USP24: variants seen among roughly 807,000 people sequenced by gnomAD.
USP24 encodes the protein ubiquitin specific peptidase 24.
A neutral mutation model predicts 361.6 loss-of-function variants in USP24; 97 were observed. The observed-to-expected ratio is 0.27, with a 90% CI of 0.23 to 0.32. The LOEUF is 0.32. Among genes scored for constraint, USP24 ranks in the 10% least tolerant of loss-of-function variants. The probability of loss-of-function intolerance (pLI) is 1.00; values close to 1 mark genes in which losing one functional copy is unlikely to be tolerated. For missense variants in USP24, 2,353 were observed against 3,165.6 expected, an observed-to-expected ratio of 0.74 and a Z score of 6.16; for synonymous variants, 1,098 against 1,124.6, an observed-to-expected ratio of 0.98 and a Z score of 0.47.
chr1:55,109,652 G>C (rs977184777), intron 39 of USP24, among the ~76,000 whole-genome samples: 3 of 152,124 alleles, frequency 2.0e-5, no homozygotes, highest in African/African-American at 4.8e-5. Context: ...TTTGTGAAGA[G>C]CGGAGAATAA....
rs758195596 is a variant in USP24 at position 55,121,461 on chromosome 1, A to G, written c.4322T>C (p.Ile1441Thr). 1.8e-5 allele frequency: 29 copies of G among 1,613,708 alleles called. No homozygotes were observed. The highest frequency in any genetic ancestry group is 2.7e-5 in the African/African-American group (2 of 74,946). Residue 1441 changes from isoleucine to threonine, a missense_variant, in exon 37 of 68, where the codon ATT becomes ACT. By Grantham distance (89) the Ile-to-Thr change is moderately conservative. Transcript: ENST00000294383. ...LPCVADFIIDILLGSPSAEIR... is the reference protein window; with the variant it reads ...LPCVADFIIDTLLGSPSAEIR... ...CTCAGCACTTGGTGATCCGAGCAGAATATCAATGATGAAATCAGCAACACA... is the reference window on the plus strand; with the variant it reads ...CTCAGCACTTGGTGATCCGAGCAGAGTATCAATGATGAAATCAGCAACACA...
chr1:55,082,149 T>G (rs1645160990), intron 58 of USP24, among the ~76,000 whole-genome samples: 1 of 152,194 alleles, frequency 6.6e-6, no homozygotes, highest in Non-Finnish European at 1.5e-5. Flanking sequence ...AAAATGCCTG[T>G]GTAATGTGTT....
intron 10 of USP24, 30 bp downstream of exon 10, chr1:55,158,848 A>G: frequency 7.0e-7 from 1 of 1,436,606 alleles, no homozygotes. Context: ...TCTGTGCATT[A>G]AGTCTTGTAG....
chr1:55,130,340 C>G (rs936624193), intron 31 of USP24, among the ~76,000 whole-genome samples: 1 of 152,158 alleles, frequency 6.6e-6, no homozygotes, highest in African/African-American at 2.4e-5. Context: ...GTTGCCTTTA[C>G]AGGAAGATTG....
intron 1 of USP24, among the ~76,000 whole-genome samples, chr1:55,199,580 T>G (rs1644508721): frequency 7.1e-6 from 1 of 141,040 alleles, no homozygotes; most frequent in African/African-American, 2.6e-5. Context: ...TTCAAATGGT[T>G]CAGAAAAAGT....
chr1:55,199,267 C>T (rs141181855), intron 1 of USP24, among the ~76,000 whole-genome samples: 76 of 151,402 alleles, frequency 5.0e-4, no homozygotes, highest in Middle Eastern at 6.8e-3. Context: ...TTAGCTTGGG[C>T]GACAGAGCGA....
chr1:55,107,400 G>A lies in USP24; in HGVS notation c.4601C>T (p.Pro1534Leu). ...AATCTCATCTTCAAGCATCGTAGCT[G>A]GGCTGATCCTTAACTGCTCCATTTC... The part of the protein sequence containing the change: ...TSEMEQLRIS[P>L]ATMLEDEITW... The change falls in exon 40 of 68, where the codon CCA becomes CTA. Residue 1534 changes from proline to leucine, a missense_variant. Physicochemically the swap from Pro to Leu is moderately conservative, Grantham distance 98. Coordinates refer to ENST00000294383, the MANE Select transcript of USP24 (RefSeq NM_015306.3). The A allele has an allele frequency of 6.2e-7, 1 of 1,611,608 alleles. No homozygotes were observed.
intron 1 of USP24, among the ~76,000 whole-genome samples, chr1:55,182,062 A>AT (rs935679615): frequency 5.9e-5 from 9 of 151,768 alleles, no homozygotes; most frequent in Admixed American, 4.6e-4. Flanking sequence ...TTTTATTTTT[A>AT]TTTTTTTTGA....
At chr1:55,134,443 A>G (rs1396868518) in intron 28 of USP24, 30 bp from the exon 29 acceptor site, 2 of 1,564,118 alleles carry the variant, frequency 1.3e-6, no homozygotes, top group Non-Finnish European at 1.8e-6. Flanking sequence ...TAGAAATTCA[A>G]ATTTACAAAA....
At chr1:55,099,430 C>A (rs1645575389) in intron 45 of USP24, among the ~76,000 whole-genome samples, 1 of 152,004 alleles carries the variant, frequency 6.6e-6, no homozygotes. Context: ...TGGTGGTGCA[C>A]ACCTGTGATC....
chr1:55,089,872 G>A (rs981895524), intron 54 of USP24, 132 bp from the exon 55 acceptor site: 2 of 601,262 alleles, frequency 3.3e-6, no homozygotes, highest in African/African-American at 3.8e-5. Flanking sequence ...GGGTAGAGTG[G>A]AGGGATAAGA....
intron 10 of USP24, 64 bp downstream of exon 10, chr1:55,158,814 C>T (rs1038388974): frequency 2.4e-6 from 3 of 1,257,998 alleles, no homozygotes; most frequent in Admixed American, 3.5e-5. Flanking sequence ...TATTAATAAG[C>T]ATACATCTTG....
intron 38 of USP24, among the ~76,000 whole-genome samples, chr1:55,112,189 C>T (rs183090285): frequency 6.6e-6 from 1 of 152,118 alleles, no homozygotes; most frequent in East Asian, 1.9e-4. Flanking sequence ...GCTATAAATG[C>T]TTACATTTAT....
chr1:55,124,729 C>CAA, intron 34 of USP24, 101 bp from the exon 35 acceptor site: 1 of 1,286,992 alleles, frequency 7.8e-7, no homozygotes, highest in Non-Finnish European at 1.1e-6. Flanking sequence ...GCCTCCTTTC[C>CAA]CTCCAAGGTC....
chr1:55,158,091 A>T (rs1173057288), intron 10 of USP24, among the ~76,000 whole-genome samples: 2 of 152,212 alleles, frequency 1.3e-5, no homozygotes, highest in East Asian at 3.9e-4. Flanking sequence ...ACCGTATGAA[A>T]AATGCCAAAT....
chr1:55,147,075 A>C lies in USP24; in HGVS notation c.2119-15T>G. On this transcript the variant is annotated splice_polypyrimidine_tract_variant and intron_variant, in intron 18 of 67. Coordinates refer to ENST00000294383, the MANE Select transcript of USP24 (RefSeq NM_015306.3). ...GCCTCTAAATACTGCAAAAAGAAATAATGCTAATTAGTTAACTCCAGGCAT... is the reference window on the plus strand; with the variant it reads ...GCCTCTAAATACTGCAAAAAGAAATCATGCTAATTAGTTAACTCCAGGCAT... 2 of 1,533,312 alleles carry C rather than the reference A, an allele frequency of 1.3e-6. No individual in the cohort carries two copies. The highest frequency in any genetic ancestry group is 1.7e-6 in the Non-Finnish European group (2 of 1,144,634). The allele number at this position is 1,533,312 out of a possible 1,614,324, so 95.0% of individuals were successfully genotyped here. A position where few individuals can be genotyped will look rare whatever the true frequency, so the allele number is the denominator to read the frequency against.
intron 16 of USP24, among the ~76,000 whole-genome samples, chr1:55,152,890 T>G (rs1647264728): frequency 6.6e-6 from 1 of 152,186 alleles, no homozygotes; most frequent in Admixed American, 6.6e-5. Context: ...CCCACTGAGC[T>G]AAGAGTCTCT....
intron 41 of USP24, among the ~76,000 whole-genome samples, 192 bp from the exon 42 acceptor site, chr1:55,104,212 C>A (rs1220192976): frequency 6.6e-6 from 1 of 152,034 alleles, no homozygotes; most frequent in Non-Finnish European, 1.5e-5. Flanking sequence ...ATCTTCTTGG[C>A]CTGATGATAA....
intron 39 of USP24, among the ~76,000 whole-genome samples, chr1:55,108,005 A>T (rs1363146009): frequency 6.6e-6 from 1 of 152,110 alleles, no homozygotes; most frequent in Non-Finnish European, 1.5e-5. Flanking sequence ...TGCTGAGGCT[A>T]TAAGATGAGG....
Sources: gnomAD v4.1 joint callset for allele counts (sites outside exome capture counted in the v4.1 genomes callset) on GRCh38, gnomAD v4.1.1 for gene constraint, MANE v1.5 for transcripts, NCBI Gene and HGNC (gene_info 2026-07-23, HGNC 2026-07-21) for gene names.